PRSS35: variants seen among roughly 807,000 people sequenced by gnomAD.
The protein encoded by PRSS35 is inactive serine protease 35.
PRSS35 carries 7 observed loss-of-function variants against 8.1 expected under a neutral mutation model. The ratio of observed to expected loss-of-function variants is 0.86; its 90% CI spans 0.49 to 1.62. The LOEUF is 1.62. PRSS35 is among the 40% of genes most tolerant of loss of function. The pLI is 0.00. For synonymous variants in PRSS35, 199 were observed against 188.7 expected (o/e 1.05, Z -0.45); for missense variants, 566 against 518.0 (o/e 1.09, Z -0.90).
At chr6:83,514,787 A>G (rs1393572734) in intron 1 of PRSS35, among the ~76,000 whole-genome samples, 2 of 152,230 alleles carry the variant, frequency 1.3e-5, no homozygotes, top group African/African-American at 4.8e-5. Context: ...TTGAAAAACT[A>G]TCTGCCAGAA....
At chr6:83,520,986 T>A (rs750234842) in intron 1 of PRSS35, among the ~76,000 whole-genome samples, 1 of 152,216 alleles carries the variant, frequency 6.6e-6, no homozygotes, top group African/African-American at 2.4e-5. Context: ...GATATTTGGC[T>A]GACTTTCAAG....
Position 83,523,579 on chromosome 6 carries a change from CA to C in PRSS35, c.139del (p.Ser47AlafsTer10), listed in dbSNP as rs760468808. 2.5e-6 allele frequency: 4 copies of C among 1,614,166 alleles called. No homozygotes were observed. The Admixed American group carries it at 6.7e-5, about 27-fold the overall frequency. ...TCAGTGAAAGGACTTTCCATCTCAC[CA>C]GCCCCGCATTTGAGGCAGATGCTAA... is the stretch of plus-strand genomic sequence containing the variant. The part of the protein sequence containing the change: ...IVSERTFHLT[S>X]PAFEADAKMM... On this transcript the variant is annotated frameshift_variant, in exon 2 of 2. Transcript: ENST00000369700. LOFTEE classifies it low-confidence loss of function (END_TRUNC).
chr6:83,516,024 A>G (rs1436944105), intron 1 of PRSS35, among the ~76,000 whole-genome samples: 1 of 151,682 alleles, frequency 6.6e-6, no homozygotes, highest in Admixed American at 6.6e-5. Flanking sequence ...CACGTTGGCC[A>G]GGCTGGTCTG....
Position 83,517,647 on chromosome 6 carries a change from G to A in PRSS35, c.-21+4953G>A, listed in dbSNP as rs540665249. Among the ~76,000 whole-genome samples the A allele has an allele frequency of 6.6e-5, 10 of 152,312 alleles. No individual in the cohort carries two copies. In the East Asian group the frequency reaches 1.9e-3, roughly 29 times the overall value. ...CCAGGCCCCAGTGTCTCCCTGTTGT[G>A]TGTCAATCCTGAGTAGGTGGAGGAT... On this transcript the variant is annotated intron_variant, in intron 1 of 1. Transcript: ENST00000369700.
chr6:83,516,752 T>C (rs7452094), intron 1 of PRSS35, among the ~76,000 whole-genome samples: 24,258 of 152,062 alleles, frequency 0.16, 2,083 homozygotes, highest in East Asian at 0.24. Flanking sequence ...GCCACTCATA[T>C]TCCTCAGCTC....
chr6:83,524,793 A>G lies in PRSS35; in HGVS notation c.*110A>G. ...ATGCCTGGACTTGAACTCTGTCAAT[A>G]GCATTTCAACATTTTTCAAAATCAG... On this transcript the variant is annotated 3_prime_UTR_variant, in exon 2 of 2. Coordinates refer to ENST00000369700, the MANE Select transcript of PRSS35 (RefSeq NM_153362.3). 8.7e-7 allele frequency: 1 copy of G among 1,145,066 alleles called. No homozygotes were observed. The highest frequency in any genetic ancestry group is 1.2e-6 in the Non-Finnish European group (1 of 826,656). The allele number at this position is 1,145,066 out of a possible 1,614,324, so 70.9% of individuals were successfully genotyped here.
chr6:83,519,998 C>T (rs1203038111), intron 1 of PRSS35, among the ~76,000 whole-genome samples: 1 of 151,866 alleles, frequency 6.6e-6, no homozygotes, highest in African/African-American at 2.4e-5. Flanking sequence ...ATATGATGCA[C>T]ATAGGATCAC....
At position 83,524,093 on chromosome 6, in the gene PRSS35, G is replaced by A. The variant is rs1771878527; in HGVS notation, c.652G>A (p.Gly218Ser). The A allele has an allele frequency of 6.2e-7, 1 of 1,613,936 alleles. No homozygotes were observed. The highest frequency in any genetic ancestry group is 1.3e-5 in the African/African-American group (1 of 75,012). ...REASGGDQRE[G>S]TREHLRERAK... ...AGCTAGTGGTGGTGACCAAAGAGAG[G>A]GTACCAGAGAGCATCTGCGGGAGAG... Residue 218 changes from glycine to serine, a missense_variant, in exon 2 of 2, where the codon GGT (glycine) becomes AGT (serine). Coordinates refer to ENST00000369700, the MANE Select transcript of PRSS35 (RefSeq NM_153362.3).
chr6:83,524,338 C>T lies in PRSS35; in HGVS notation c.897C>T (p.Ile299=), dbSNP rs143094506. The stretch of plus-strand genomic sequence containing the variant: ...TGGAACTTGGAATCAGCCCAACGAT[C>T]AAGAAAATGCCTGGTGGAATGATCC... ...KYMELGISPT[I]KKMPGGMIHF... Residue 299 remains isoleucine (I), a synonymous_variant, in exon 2 of 2, where the codon ATC becomes ATT. Transcript: ENST00000369700. 5 of 1,614,018 alleles carry T rather than the reference C, an allele frequency of 3.1e-6. No homozygotes were observed. In the African/African-American group the frequency reaches 6.7e-5, roughly 22 times the overall value.
rs758303735 is a variant in PRSS35 at position 83,523,965 on chromosome 6, AG to A, written c.526del (p.Asp176ThrfsTer9). Reference sequence around the variant, plus strand: ...GCTGCCCACTGTGTTCATGATGGAAAGGACTATGTCAAAGGGAGTAAAAAGC... The same window carrying A: ...GCTGCCCACTGTGTTCATGATGGAAAGACTATGTCAAAGGGAGTAAAAAGC... Reference protein sequence around the residue: ...LTAAHCVHDGKDYVKGSKKLR... With the variant: ...LTAAHCVHDGXDYVKGSKKLR... On this transcript the variant is annotated frameshift_variant, in exon 2 of 2. Transcript: ENST00000369700. LOFTEE classifies it low-confidence loss of function (END_TRUNC). 6.2e-7 allele frequency: 1 copy of A among 1,614,206 alleles called. No homozygotes were observed. Among genetic ancestry groups the A allele is most frequent in the Admixed American group, 1.7e-5 (1 of 60,024 alleles).
rs777532983 is a variant in PRSS35, at chr6:83,523,732, G to A, written c.291G>A (p.Arg97=). 1 of 1,614,138 alleles carries A rather than the reference G, an allele frequency of 6.2e-7. No homozygotes were observed. The highest frequency in any genetic ancestry group is 1.1e-5 in the South Asian group (1 of 91,078). ...AGAATGGCACCCGAACCTTAACCAG[G>A]GTGAAAGTTCAAGATTTGGTTCTTG... is the stretch of plus-strand genomic sequence containing the variant. The part of the protein sequence containing the change: ...VFENGTRTLT[R]VKVQDLVLEP... Residue 97 remains arginine, a synonymous_variant, in exon 2 of 2, where the codon AGG becomes AGA. Coordinates refer to ENST00000369700, the MANE Select transcript of PRSS35 (RefSeq NM_153362.3).
chr6:83,524,480 G>A lies in PRSS35; in HGVS notation c.1039G>A (p.Gly347Ser), dbSNP rs765201576. The change falls in exon 2 of 2, where the codon GGT (glycine) becomes AGT (serine). Residue 347 changes from glycine (G) to serine (S), a missense_variant. Transcript: ENST00000369700. ...CTGCGATGCTGAGTCGGGCTCCACC[G>A]GTTCGGGGGTCTATCTGCGTCTGAA... ...QYCDAESGSTGSGVYLRLKDP... is the reference protein window; with the variant it reads ...QYCDAESGSTSSGVYLRLKDP... 7 of 1,614,126 alleles carry A rather than the reference G, an allele frequency of 4.3e-6. No homozygotes were observed. In the South Asian group the frequency reaches 5.5e-5, roughly 13 times the overall value.
intron 1 of PRSS35, among the ~76,000 whole-genome samples, chr6:83,522,869 A>G (rs998841625): frequency 1.3e-5 from 2 of 151,822 alleles, no homozygotes; most frequent in African/African-American, 2.4e-5. Context: ...CCTTCACATC[A>G]GTTTGGGCTG....
chr6:83,516,552 G>A (rs1771720331), intron 1 of PRSS35, among the ~76,000 whole-genome samples: 1 of 148,134 alleles, frequency 6.8e-6, no homozygotes, highest in Non-Finnish European at 1.5e-5. Flanking sequence ...CTCTAGCCTG[G>A]GCGACTGAGA....
chr6:83,524,553 C>T lies in PRSS35; in HGVS notation c.1112C>T (p.Ser371Leu). Residue 371 changes from serine (S) to leucine (L), a missense_variant, in exon 2 of 2, where the codon TCA (serine) becomes TTA (leucine). Ser to Leu is a moderately radical substitution (Grantham distance 145). Transcript: ENST00000369700. ...AAGCGCAAAATCATTGCGGTCTACT[C>T]AGGGCACCAGTGGGTGGATGTCCAC... ...NWKRKIIAVY[S>L]GHQWVDVHGV... The T allele has an allele frequency of 6.2e-7, 1 of 1,614,208 alleles. No individual in the cohort carries two copies. Among genetic ancestry groups the T allele is most frequent in the South Asian group, 1.1e-5 (1 of 91,076 alleles).
Position 83,523,421 on chromosome 6 carries a change from G to C in PRSS35, c.-20-1G>C. ...AACCTCTCTCTTTTTCTATTTTTAAGGACAAAATTAGAAGATCAAAATGGA... is the reference window on the plus strand; with the variant it reads ...AACCTCTCTCTTTTTCTATTTTTAACGACAAAATTAGAAGATCAAAATGGA... On this transcript the variant is annotated splice_acceptor_variant, in intron 1 of 1. Transcript: ENST00000369700. LOFTEE classifies it low-confidence loss of function (5UTR_SPLICE). 6.3e-7 allele frequency: 1 copy of C among 1,584,680 alleles called. No homozygotes were observed. The highest frequency in any genetic ancestry group is 8.6e-7 in the Non-Finnish European group (1 of 1,166,478).
chr6:83,513,023 A>G lies in PRSS35; in HGVS notation c.-21+329A>G, dbSNP rs551576609. 3.9e-3 allele frequency among the ~76,000 whole-genome samples: 596 copies of G among 152,240 alleles called. 1 individual carries two copies. The highest frequency in any genetic ancestry group is 0.014 in the African/African-American group (575 of 41,542). The stretch of plus-strand genomic sequence containing the variant: ...GAAAGGTATGAAACGCATTCCTGAA[A>G]AGTCTCTTTGGCGGGGTTACTATGA... On this transcript the variant is annotated intron_variant, in intron 1 of 1. Transcript: ENST00000369700.
chr6:83,521,915 A>G (rs2127713628), intron 1 of PRSS35, among the ~76,000 whole-genome samples: 1 of 152,256 alleles, frequency 6.6e-6, no homozygotes, highest in South Asian at 2.1e-4. Flanking sequence ...CATCAAAAGA[A>G]TGTTTTAGTT....
At chr6:83,522,339 A>C (rs1330096861) in intron 1 of PRSS35, among the ~76,000 whole-genome samples, 5 of 152,160 alleles carry the variant, frequency 3.3e-5, no homozygotes, top group Non-Finnish European at 5.9e-5. Flanking sequence ...CTCCAAGCAA[A>C]GATGGCTGAT....
Sources: allele counts gnomAD v4.1 joint callset (sites outside exome capture counted in the v4.1 genomes callset), GRCh38; gene constraint gnomAD v4.1.1; transcripts MANE v1.5; gene names NCBI Gene and HGNC (gene_info 2026-07-23, HGNC 2026-07-21).